DNAH5: variants seen among roughly 807,000 people sequenced by gnomAD.
DNAH5 encodes dynein axonemal heavy chain 5, also known as axonemal beta dynein heavy chain 5.
A neutral mutation model predicts 518.2 loss-of-function variants in DNAH5; 372 were observed. The ratio of observed to expected loss-of-function variants is 0.72; its 90% CI spans 0.66 to 0.78. The LOEUF is 0.78. Among genes scored for constraint, DNAH5 ranks in the 30% least tolerant of loss-of-function variants. The pLI, the probability that DNAH5 is intolerant of heterozygous loss-of-function variation, is 0.00. For synonymous variants in DNAH5, 2,039 were observed against 2,025.9 expected, an observed-to-expected ratio of 1.01 and a Z score of -0.17; for missense variants, 5,523 against 5,687.0, an observed-to-expected ratio of 0.97 and a Z score of 0.93.
intron 47 of DNAH5, among the ~76,000 whole-genome samples, chr5:13,803,827 T>G (rs978569083): frequency 6.6e-6 from 1 of 152,152 alleles, no homozygotes; most frequent in Non-Finnish European, 1.5e-5. Context: ...ATTTTATAGA[T>G]TAATCTACTG....
intron 1 of DNAH5, among the ~76,000 whole-genome samples, chr5:13,985,455 A>G (rs1282916492): frequency 1.4e-5 from 2 of 144,836 alleles, no homozygotes; most frequent in African/African-American, 5.1e-5. Flanking sequence ...ATATATATAT[A>G]TATATATATA....
chr5:13,930,979 G>T, intron 2 of DNAH5, 131 bp downstream of exon 2: 1 of 1,369,050 alleles, frequency 7.3e-7, no homozygotes, highest in Non-Finnish European at 1.0e-6. Flanking sequence ...TACAGAGTCA[G>T]AATGGAGCCC....
chr5:13,930,303 C>A (rs981885252), intron 2 of DNAH5, among the ~76,000 whole-genome samples: 3 of 152,082 alleles, frequency 2.0e-5, no homozygotes, highest in African/African-American at 7.2e-5. Flanking sequence ...TAGTTTGGAA[C>A]CAGCCATTGT....
chr5:13,907,830 CT>C (rs36039747), intron 12 of DNAH5, among the ~76,000 whole-genome samples: 1 of 152,160 alleles, frequency 6.6e-6, no homozygotes, highest in African/African-American at 2.4e-5. Context: ...AAGTGAACAA[CT>C]TTTTTTCAAC....
chr5:13,867,840 T>G lies in DNAH5; in HGVS notation c.3987A>C (p.Lys1329Asn), dbSNP rs146191243. ...ATACCTCCACAGCACTAATAAGCTC[T>G]TTCTTGAAACTGGGCTGCAGTGAGA... is the stretch of plus-strand genomic sequence containing the variant. ...KLVSLQPSFK[K>N]ELISAVEVFL... Residue 1329 changes from lysine (K) to asparagine (N), a missense_variant, in exon 25 of 79, where the codon AAA (lysine) becomes AAC (asparagine). Physicochemically the swap from Lys to Asn is moderately conservative, Grantham distance 94. Transcript: ENST00000265104. 1.2e-6 allele frequency: 2 copies of G among 1,614,030 alleles called. No individual in the cohort carries two copies. Among genetic ancestry groups the G allele is most frequent in the African/African-American group, 2.7e-5 (2 of 75,028 alleles).
chr5:13,792,554 C>T (rs1416782135), intron 49 of DNAH5, among the ~76,000 whole-genome samples: 2 of 152,086 alleles, frequency 1.3e-5, no homozygotes, highest in East Asian at 3.9e-4. Context: ...TTTTATAAGT[C>T]CTCTAAGGTT....
chr5:13,800,632 C>A (rs1758603742), intron 47 of DNAH5, among the ~76,000 whole-genome samples: 1 of 152,194 alleles, frequency 6.6e-6, no homozygotes. Flanking sequence ...TCCCTGACTG[C>A]AGTCAATCCT....
rs145713848 is a variant in DNAH5, at chr5:13,753,199, AC to A, written c.10872+33del. ...TGTTTATCTGAGGCAATAAAACTTA[AC>A]CGGTAGCATAAACATACTAAAACAC... On this transcript the variant is annotated intron_variant, in intron 63 of 78. Transcript: ENST00000265104. The A allele has an allele frequency of 1.9e-3, 2,894 of 1,530,754 alleles. 55 individuals are homozygous for A. In the African/African-American group the frequency reaches 0.035, roughly 18 times the overall value. The allele number at this position is 1,530,754 out of a possible 1,614,324, so 94.8% of individuals were successfully genotyped here. A position where few individuals can be genotyped will look rare whatever the true frequency, so the allele number is the denominator to read the frequency against.
intron 61 of DNAH5, among the ~76,000 whole-genome samples, chr5:13,756,048 C>T (rs1750956597): frequency 6.6e-6 from 1 of 152,180 alleles, no homozygotes; most frequent in African/African-American, 2.4e-5. Flanking sequence ...TGAGTAGTAC[C>T]CCCCTCCTCA....
chr5:13,931,101 G>A lies in DNAH5; in HGVS notation c.192+9C>T, dbSNP rs200327229. The A allele has an allele frequency of 2.1e-5, 34 of 1,614,034 alleles. No homozygotes were observed. In the Admixed American group the frequency reaches 3.0e-4, roughly 14 times the overall value. On this transcript the variant is annotated intron_variant, in intron 2 of 78. Transcript: ENST00000265104. ...TCATCAAGTCAGTGAGAAGTGAAAC[G>A]CATCCCACCTGATTCCCTTCAAGAA...
At chr5:13,913,410 C>T (rs1251486671) in intron 11 of DNAH5, among the ~76,000 whole-genome samples, 3 of 152,018 alleles carry the variant, frequency 2.0e-5, no homozygotes, top group Non-Finnish European at 4.4e-5. Context: ...ATACAGTATA[C>T]TCTTCATTAA....
chr5:14,000,277 A>G (rs1430872445), intron 1 of DNAH5, among the ~76,000 whole-genome samples: 4 of 152,204 alleles, frequency 2.6e-5, no homozygotes, highest in Non-Finnish European at 5.9e-5. Context: ...GGAGTGATGC[A>G]GCTAGGAGCA....
intron 16 of DNAH5, among the ~76,000 whole-genome samples, chr5:13,891,676 T>G (rs1465235567): frequency 6.6e-6 from 1 of 152,226 alleles, no homozygotes; most frequent in Admixed American, 6.5e-5. Flanking sequence ...ATTCATATTT[T>G]TTATCCTTAC....
In DNAH5 at chr5:14,002,479, T is replaced by C. The variant is rs1784429248; in HGVS notation, c.12+9169A>G. Among the ~76,000 whole-genome samples, 9 of 152,322 alleles carry C rather than the reference T, an allele frequency of 5.9e-5. No individual in the cohort carries two copies. In the South Asian group the frequency reaches 1.9e-3, roughly 32 times the overall value. On this transcript the variant is annotated intron_variant, in intron 1 of 78. Coordinates refer to the DNAH5 transcript ENST00000681290. Reference sequence around the variant, plus strand: ...ACATAATTCTAAAACCGGATCAACTTGACTAAATTTAGTAACTTCAACGAG... The same window carrying C: ...ACATAATTCTAAAACCGGATCAACTCGACTAAATTTAGTAACTTCAACGAG...
intron 41 of DNAH5, among the ~76,000 whole-genome samples, chr5:13,817,928 G>T (rs1160913533): frequency 6.6e-6 from 1 of 151,998 alleles, no homozygotes; most frequent in Non-Finnish European, 1.5e-5. Flanking sequence ...TTGTTTAGGG[G>T]TGAAAAAAGA....
chr5:13,856,207 G>A (rs1277153026), intron 30 of DNAH5, among the ~76,000 whole-genome samples: 1 of 152,230 alleles, frequency 6.6e-6, no homozygotes, highest in Middle Eastern at 3.4e-3. Flanking sequence ...ATGAATCCAG[G>A]AGCTGGTTTT....
At chr5:13,805,032 G>T (rs1759363609) in intron 47 of DNAH5, among the ~76,000 whole-genome samples, 1 of 152,114 alleles carries the variant, frequency 6.6e-6, no homozygotes, top group African/African-American at 2.4e-5. Flanking sequence ...CTGGCTCCTG[G>T]GATGGAGTCT....
intron 75 of DNAH5, among the ~76,000 whole-genome samples, chr5:13,714,103 G>C (rs1257330213): frequency 1.3e-5 from 2 of 152,008 alleles, no homozygotes; most frequent in South Asian, 4.1e-4. Flanking sequence ...TGAACAAATG[G>C]CAATGTAAAG....
intron 1 of DNAH5, among the ~76,000 whole-genome samples, chr5:13,952,798 A>G (rs1216991584): frequency 6.6e-6 from 1 of 152,140 alleles, no homozygotes; most frequent in Admixed American, 6.5e-5. Context: ...AGGGTTTTTT[A>G]AAGAGACGGG....
Sources: gnomAD v4.1 joint callset for allele counts (sites outside exome capture counted in the v4.1 genomes callset) on GRCh38, gnomAD v4.1.1 for gene constraint, MANE v1.5 for transcripts, NCBI Gene and HGNC (gene_info 2026-07-23, HGNC 2026-07-21) for gene names.